Variants in LINGO1 observed in about 807,000 individuals in gnomAD.
LINGO1 encodes the protein leucine rich repeat and Ig domain containing 1.
In LINGO1, 11 loss-of-function variants were observed where a neutral mutation model predicts 37.3. The observed-to-expected ratio is 0.29, with a 90% CI of 0.19 to 0.49. The LOEUF is 0.49. LINGO1 is among the 20% of genes least tolerant of loss of function. The pLI is 0.99. For synonymous variants in LINGO1, 387 were observed against 403.0 expected (o/e 0.96, Z 0.48); for missense variants, 585 against 878.2 (o/e 0.67, Z 4.22).
intron 2 of LINGO1, among the ~76,000 whole-genome samples, chr15:77,794,583 TA>T (rs1567588632): frequency 2.7e-4 from 7 of 25,628 alleles, no homozygotes; most frequent in African/African-American, 5.7e-4. Flanking sequence ...TATATATATA[TA>T]TATATATTTT....
chr15:77,634,423 G>T (rs2074353492), upstream of LINGO1: 2 of 443,736 alleles, frequency 4.5e-6, no homozygotes, highest in Non-Finnish European at 9.1e-6. Context: ...CTCCTAGCAG[G>T]CGTCCATGCT....
chr15:77,669,839 G>A (rs983233362), intron 3 of LINGO1, among the ~76,000 whole-genome samples: 1 of 152,168 alleles, frequency 6.6e-6, no homozygotes, highest in African/African-American at 2.4e-5. Context: ...ATCGCCTTAC[G>A]GCCCAGCAAC....
In LINGO1 at chr15:77,739,183, G is replaced by A. The variant is rs117002387; in HGVS notation, c.-256-4130C>T. 5.5e-3 allele frequency among the ~76,000 whole-genome samples: 843 copies of A among 152,360 alleles called. 7 individuals carry two copies. The highest frequency in any genetic ancestry group is 0.012 in the South Asian group (56 of 4,824). On this transcript the variant is annotated intron_variant, in intron 1 of 3. Transcript: ENST00000561686. ...AGGATGCCTGCCAACAGCTGGTGCCGCTGCCAGGCAGCCCAGTAATTGTGT... is the reference window on the plus strand; with the variant it reads ...AGGATGCCTGCCAACAGCTGGTGCCACTGCCAGGCAGCCCAGTAATTGTGT...
upstream of LINGO1, among the ~76,000 whole-genome samples, chr15:77,697,903 C>T (rs1236638152): frequency 6.6e-6 from 1 of 152,176 alleles, no homozygotes; most frequent in East Asian, 1.9e-4. Flanking sequence ...GAGAAAGCCC[C>T]CTCCTTCAGG....
At chr15:77,781,166 C>T (rs1177551426) in intron 1 of LINGO1, among the ~76,000 whole-genome samples, 1 of 152,232 alleles carries the variant, frequency 6.6e-6, no homozygotes, top group African/African-American at 2.4e-5. Context: ...ATTGATGGAA[C>T]TTTTCATCTT....
chr15:77,614,399 C>T lies in LINGO1; in HGVS notation c.1508G>A (p.Gly503Asp). 6.2e-7 allele frequency: 1 copy of T among 1,613,158 alleles called. No individual in the cohort carries two copies. The highest frequency in any genetic ancestry group is 8.5e-7 in the Non-Finnish European group (1 of 1,179,796). Reference sequence around the variant, plus strand: ...GTGGGCGGGCATGGAGTCGTTGCCGCCCGCGTTGGCCGCGATGCACAGGTA... The same window carrying T: ...GTGGGCGGGCATGGAGTCGTTGCCGTCCGCGTTGGCCGCGATGCACAGGTA... ...GTYLCIAANA[G>D]GNDSMPAHLH... Residue 503 changes from glycine (G) to aspartate (D), a missense_variant, in exon 2 of 2, where the codon GGC (glycine) becomes GAC (aspartate). This residue lies in a region of LINGO1 where 484 missense variants were observed against 735.0 expected (regional missense o/e 0.66). Coordinates refer to ENST00000355300, the MANE Select transcript of LINGO1 (RefSeq NM_032808.7).
At chr15:77,653,617 C>G (rs1385538080) in intron 3 of LINGO1, among the ~76,000 whole-genome samples, 1 of 152,116 alleles carries the variant, frequency 6.6e-6, no homozygotes, top group Non-Finnish European at 1.5e-5. Context: ...GGCAGGTTAC[C>G]CAGCTGGGAG....
At chr15:77,782,643 A>C (rs867809026) in intron 1 of LINGO1, among the ~76,000 whole-genome samples, 1,935 of 150,880 alleles carry the variant, frequency 0.013, 40 homozygotes, top group African/African-American at 0.045. Flanking sequence ...GCCAAATTGA[A>C]CCCGCCCCGA....
At chr15:77,662,720 CTA>C (rs1169552241) in intron 3 of LINGO1, among the ~76,000 whole-genome samples, 2 of 152,178 alleles carry the variant, frequency 1.3e-5, no homozygotes, top group African/African-American at 4.8e-5. Context: ...GTCTCTGGTT[CTA>C]TATTTTAAAA....
upstream of LINGO1, chr15:77,787,235 T>A (rs1315827791): frequency 6.6e-6 from 1 of 152,174 alleles, no homozygotes; most frequent in Non-Finnish European, 1.5e-5. Flanking sequence ...GCCGCCCCCA[T>A]CCAGAGCGCA....
At chr15:77,654,167 C>T (rs1183352942) in intron 3 of LINGO1, among the ~76,000 whole-genome samples, 1 of 152,218 alleles carries the variant, frequency 6.6e-6, no homozygotes. Flanking sequence ...ATGGTAGGCA[C>T]TTCCTCAGCC....
At chr15:77,637,322 C>T (rs1365313624), upstream of LINGO1, among the ~76,000 whole-genome samples, 2 of 152,196 alleles carry the variant, frequency 1.3e-5, no homozygotes, top group Non-Finnish European at 2.9e-5. This position sits in a 1 kb window ranked among gnomAD's most constrained non-coding sequence, Gnocchi z 4.6. Flanking sequence ...GAGGCCCACC[C>T]CCGTTAACTG....
chr15:77,733,643 G>A (rs1161893724), intron 2 of LINGO1, among the ~76,000 whole-genome samples: 1 of 152,222 alleles, frequency 6.6e-6, no homozygotes, highest in African/African-American at 2.4e-5. Context: ...TCCCTCTCAT[G>A]GCTTGCTGTT....
At chr15:77,722,961 CT>C (rs1341089377) in intron 2 of LINGO1, among the ~76,000 whole-genome samples, 1 of 152,210 alleles carries the variant, frequency 6.6e-6, no homozygotes, top group Non-Finnish European at 1.5e-5. Flanking sequence ...CACAGCGCCC[CT>C]GGAGGCTCCT....
At chr15:77,622,776 G>A (rs749956871) in intron 1 of LINGO1, among the ~76,000 whole-genome samples, 2 of 152,214 alleles carry the variant, frequency 1.3e-5, no homozygotes, top group Non-Finnish European at 2.9e-5. Flanking sequence ...TTTTCCTTCT[G>A]TCGCAGCGGC....
chr15:77,668,792 T>TACACAC (rs34476518), intron 3 of LINGO1, among the ~76,000 whole-genome samples: 5,146 of 134,828 alleles, frequency 0.038, 132 homozygotes, highest in African/African-American at 0.066. Flanking sequence ...CACAGGGGAA[T>TACACAC]ACACACACAC....
chr15:77,619,237 G>A (rs552873203), intron 1 of LINGO1, among the ~76,000 whole-genome samples: 1 of 152,274 alleles, frequency 6.6e-6, no homozygotes, highest in East Asian at 1.9e-4. Context: ...AGAGTGAAGT[G>A]TGACACAGAA....
Position 77,658,588 on chromosome 15 carries a change from G to C in LINGO1, c.-13+18501C>G, listed in dbSNP as rs539643371. ...CTGGGACTTCCAACAAAAGAAAGAG[G>C]AAGAAAAGAAAGCAGGCAGGCCTGG... On this transcript the variant is annotated intron_variant, in intron 3 of 3. Coordinates refer to the LINGO1 transcript ENST00000559893. 2.0e-5 allele frequency among the ~76,000 whole-genome samples: 3 copies of C among 152,370 alleles called. No individual in the cohort carries two copies. The East Asian group carries it at 5.8e-4, about 29-fold the overall frequency.
chr15:77,751,827 A>G (rs760364430), intron 1 of LINGO1, among the ~76,000 whole-genome samples: 1 of 152,218 alleles, frequency 6.6e-6, no homozygotes, highest in African/African-American at 2.4e-5. Context: ...CTTGAGCTCT[A>G]GATGAACAAG....
Sources: allele counts gnomAD v4.1 joint callset (sites outside exome capture counted in the v4.1 genomes callset), GRCh38; gene constraint gnomAD v4.1.1; regional missense constraint gnomAD v4.1.1; non-coding constraint Gnocchi (gnomAD v3.1); transcripts MANE v1.5; gene names NCBI Gene and HGNC (gene_info 2026-07-23, HGNC 2026-07-21).